Variants in PRKN observed in about 807,000 individuals in gnomAD.
PRKN encodes the protein parkin RBR E3 ubiquitin protein ligase, also known as E3 ubiquitin-protein ligase parkin.
In PRKN, 56 loss-of-function variants were observed where a neutral mutation model predicts 59.5. The observed-to-expected ratio is 0.94, with a 90% CI of 0.76 to 1.18. The LOEUF is 1.18. Among genes scored for constraint, PRKN ranks in the 50% most tolerant of loss-of-function variants. The probability of loss-of-function intolerance (pLI) is 0.00; values close to 1 mark genes in which losing one functional copy is unlikely to be tolerated. For synonymous variants in PRKN, 250 were observed against 222.1 expected, an observed-to-expected ratio of 1.13 and a Z score of -1.12; for missense variants, 657 against 596.4, an observed-to-expected ratio of 1.10 and a Z score of -1.06.
chr6:162,092,490 A>C (rs1237580927), intron 4 of PRKN, among the ~76,000 whole-genome samples: 1 of 152,218 alleles, frequency 6.6e-6, no homozygotes. Flanking sequence ...TTGAGTTCCC[A>C]TCCTATTGTA....
At chr6:162,102,301 T>A (rs1780004722) in intron 4 of PRKN, among the ~76,000 whole-genome samples, 1 of 152,168 alleles carries the variant, frequency 6.6e-6, no homozygotes, top group Admixed American at 6.5e-5. Flanking sequence ...TGGTTTTCTG[T>A]TCCTGCATTA....
Position 162,321,580 on chromosome 6 carries a change from G to C in PRKN, c.172-58815C>G, listed in dbSNP as rs562842540. On this transcript the variant is annotated intron_variant, in intron 2 of 11. Transcript: ENST00000366898. Reference sequence around the variant, plus strand: ...ACAAGACAAAGATATTGTGAGAAAAGAAAACCGAAAATGAATATTCCTTAA... The same window carrying C: ...ACAAGACAAAGATATTGTGAGAAAACAAAACCGAAAATGAATATTCCTTAA... Among the ~76,000 whole-genome samples the C allele has an allele frequency of 2.6e-3, 392 of 151,850 alleles. 3 individuals are homozygous for C. The highest frequency in any genetic ancestry group is 9.1e-3 in the African/African-American group (378 of 41,508).
At chr6:162,434,019 C>T (rs990150506) in intron 2 of PRKN, among the ~76,000 whole-genome samples, 1 of 152,090 alleles carries the variant, frequency 6.6e-6, no homozygotes, top group African/African-American at 2.4e-5. Context: ...CCTCTGAATG[C>T]AAAGTATCCA....
intron 4 of PRKN, among the ~76,000 whole-genome samples, chr6:162,173,602 T>A (rs900955103): frequency 2.0e-5 from 3 of 151,780 alleles, no homozygotes; most frequent in African/African-American, 7.3e-5. Context: ...TCAGGGAGAA[T>A]CTGGCCTACA....
chr6:161,490,663 T>C (rs1401536759), intron 9 of PRKN, among the ~76,000 whole-genome samples: 1 of 152,098 alleles, frequency 6.6e-6, no homozygotes, highest in African/African-American at 2.4e-5. Context: ...AGTGCTGGGA[T>C]TACAGGTGTG....
chr6:161,380,361 T>G (rs1785914521), intron 10 of PRKN, among the ~76,000 whole-genome samples: 1 of 152,060 alleles, frequency 6.6e-6, no homozygotes, highest in African/African-American at 2.4e-5. Flanking sequence ...TGTCAAACTG[T>G]TTTTCTACTT....
chr6:161,944,609 T>C (rs1171817668), intron 6 of PRKN, among the ~76,000 whole-genome samples: 2 of 152,238 alleles, frequency 1.3e-5, no homozygotes, highest in East Asian at 3.9e-4. Context: ...GCAGACTGTC[T>C]GGATCACTTT....
chr6:162,210,107 A>AAAATAAAATAAAAT (rs1785140506), intron 3 of PRKN, among the ~76,000 whole-genome samples: 1 of 144,162 alleles, frequency 6.9e-6, no homozygotes, highest in Non-Finnish European at 1.5e-5. Context: ...TATAATAATA[A>AAAATAAAATAAAAT]AAAATAAAAT....
chr6:162,300,837 A>G (rs535122986), intron 2 of PRKN, among the ~76,000 whole-genome samples: 15 of 152,130 alleles, frequency 9.9e-5, no homozygotes, highest in Non-Finnish European at 2.2e-4. Context: ...ACCAACAACC[A>G]TTAACAACCT....
intron 7 of PRKN, among the ~76,000 whole-genome samples, chr6:161,704,847 T>C (rs1786415151): frequency 6.6e-6 from 1 of 152,216 alleles, no homozygotes; most frequent in Admixed American, 6.5e-5. Context: ...TGCTCAGCTA[T>C]AAAGAGGGTT....
intron 2 of PRKN, among the ~76,000 whole-genome samples, chr6:162,380,976 A>T (rs1786452107): frequency 6.6e-6 from 1 of 152,170 alleles, no homozygotes; most frequent in African/African-American, 2.4e-5. Flanking sequence ...CGTGGTCCAG[A>T]TAAGGAAAAC....
chr6:162,405,655 G>A (rs1265410607), intron 2 of PRKN, among the ~76,000 whole-genome samples: 5 of 152,122 alleles, frequency 3.3e-5, no homozygotes, highest in Middle Eastern at 6.3e-3. Flanking sequence ...GGGTGGACCC[G>A]AATCTAATCT....
At chr6:162,337,316 G>A (rs961743874) in intron 2 of PRKN, among the ~76,000 whole-genome samples, 7 of 152,060 alleles carry the variant, frequency 4.6e-5, no homozygotes, top group Non-Finnish European at 2.9e-5. Context: ...ACATAACCAA[G>A]GTATTTGAAA....
intron 4 of PRKN, among the ~76,000 whole-genome samples, chr6:162,199,216 T>TC (rs1225830946): frequency 2.1e-5 from 3 of 145,864 alleles, no homozygotes; most frequent in Admixed American, 6.9e-5. Flanking sequence ...ATCTGTGTGT[T>TC]AAAAAAAAAA....
At chr6:162,363,574 A>T (rs1204597813) in intron 2 of PRKN, among the ~76,000 whole-genome samples, 1 of 151,874 alleles carries the variant, frequency 6.6e-6, no homozygotes, top group African/African-American at 2.4e-5. Flanking sequence ...TACTTTTTCC[A>T]AATTATTTCT....
intron 1 of PRKN, among the ~76,000 whole-genome samples, chr6:162,489,534 A>G (rs1354801985): frequency 6.6e-6 from 1 of 152,222 alleles, no homozygotes; most frequent in African/African-American, 2.4e-5. Context: ...TGATGAATCA[A>G]TCTTTGTTTT....
At chr6:161,730,397 T>C (rs1456961618) in intron 7 of PRKN, among the ~76,000 whole-genome samples, 2 of 151,064 alleles carry the variant, frequency 1.3e-5, no homozygotes, top group African/African-American at 4.9e-5. Flanking sequence ...ATATGTTGCA[T>C]TCTGACGTGC....
chr6:162,397,393 T>C (rs1202967274), intron 2 of PRKN, among the ~76,000 whole-genome samples: 1 of 152,082 alleles, frequency 6.6e-6, no homozygotes, highest in Non-Finnish European at 1.5e-5. Context: ...CAATCTCTCT[T>C]TTTTTCTTAC....
At chr6:162,326,341 T>C (rs1783277080) in intron 2 of PRKN, among the ~76,000 whole-genome samples, 1 of 152,182 alleles carries the variant, frequency 6.6e-6, no homozygotes, top group South Asian at 2.1e-4. Context: ...TTTTGCATGA[T>C]ACATTTACCC....
Sources: allele counts gnomAD v4.1 joint callset (sites outside exome capture counted in the v4.1 genomes callset), GRCh38; gene constraint gnomAD v4.1.1; transcripts MANE v1.5; gene names NCBI Gene and HGNC (gene_info 2026-07-23, HGNC 2026-07-21).